CACNA2D1: variants seen among roughly 807,000 people sequenced by gnomAD.
CACNA2D1 encodes the protein calcium voltage-gated channel auxiliary subunit alpha2delta 1.
Under a neutral mutation model 171.5 loss-of-function variants are expected in CACNA2D1, and 53 were observed. The observed-to-expected ratio is 0.31, with a 90% CI of 0.25 to 0.39. The LOEUF is 0.39. Among genes scored for constraint, CACNA2D1 ranks in the 10% least tolerant of loss-of-function variants. The pLI is 1.00. For missense variants in CACNA2D1, 903 were observed against 1,299.8 expected, an observed-to-expected ratio of 0.69 and a Z score of 4.69; for synonymous variants, 442 against 443.1, an observed-to-expected ratio of 1.00 and a Z score of 0.03.
intron 3 of CACNA2D1, among the ~76,000 whole-genome samples, chr7:82,225,614 TTACAC>T (rs1802276318): frequency 6.6e-6 from 1 of 152,186 alleles, no homozygotes; most frequent in African/African-American, 2.4e-5. Flanking sequence ...TTTATATATT[TTACAC>T]ATATAAGTTT....
intron 6 of CACNA2D1, among the ~76,000 whole-genome samples, chr7:82,110,884 C>G (rs1335635508): frequency 6.6e-6 from 1 of 152,118 alleles, no homozygotes; most frequent in East Asian, 1.9e-4. Context: ...CGAGAGCACT[C>G]ATTACACTAC....
intron 4 of CACNA2D1, among the ~76,000 whole-genome samples, chr7:82,142,181 C>T (rs1327516015): frequency 1.2e-4 from 19 of 152,128 alleles, no homozygotes; most frequent in Admixed American, 9.8e-4. Flanking sequence ...CACCAGATGA[C>T]AAGAACAAAT....
At chr7:82,401,907 GA>G (rs1293363376) in intron 1 of CACNA2D1, among the ~76,000 whole-genome samples, 1 of 151,780 alleles carries the variant, frequency 6.6e-6, no homozygotes, top group African/African-American at 2.4e-5. Flanking sequence ...ACATGCATAA[GA>G]AAAAAAATAA....
At chr7:82,051,465 A>T (rs1805190004) in intron 10 of CACNA2D1, among the ~76,000 whole-genome samples, 2 of 151,974 alleles carry the variant, frequency 1.3e-5, no homozygotes, top group African/African-American at 4.8e-5. Flanking sequence ...TTATATTTTG[A>T]TTATTTTTTT....
chr7:82,185,430 T>C (rs982074233), intron 3 of CACNA2D1, among the ~76,000 whole-genome samples: 34 of 134,650 alleles, frequency 2.5e-4, no homozygotes, highest in African/African-American at 9.5e-4. Context: ...ATAAGAAAAA[T>C]AAATATCAAC....
chr7:82,114,085 C>T (rs1229174229), intron 6 of CACNA2D1, among the ~76,000 whole-genome samples: 6 of 151,906 alleles, frequency 3.9e-5, no homozygotes, highest in Non-Finnish European at 8.8e-5. Context: ...TAGCTATTTA[C>T]AAATAGTTTA....
chr7:81,958,097 TAAAAAGAAAAA>T (rs1793649415), intron 38 of CACNA2D1, among the ~76,000 whole-genome samples: 1 of 149,884 alleles, frequency 6.7e-6, no homozygotes, highest in African/African-American at 2.5e-5. Context: ...TAATATATCT[TAAAAAGAAAAA>T]AAAAACGCTT....
intron 3 of CACNA2D1, among the ~76,000 whole-genome samples, chr7:82,263,686 T>G (rs1227791920): frequency 1.3e-5 from 2 of 152,256 alleles, no homozygotes; most frequent in African/African-American, 4.8e-5. Context: ...TACTTTTGTT[T>G]TGTTTCGTTT....
At chr7:82,399,546 CAAT>C (rs979955942) in intron 1 of CACNA2D1, among the ~76,000 whole-genome samples, 19 of 152,034 alleles carry the variant, frequency 1.2e-4, no homozygotes, top group African/African-American at 4.3e-4. Flanking sequence ...AATGATAAAA[CAAT>C]GATGAAACAT....
intron 3 of CACNA2D1, among the ~76,000 whole-genome samples, chr7:82,311,229 G>C (rs1451871420): frequency 6.6e-6 from 1 of 151,924 alleles, no homozygotes; most frequent in East Asian, 1.9e-4. Flanking sequence ...GTCCATAAAA[G>C]CTTTTTGCAA....
chr7:82,115,623 C>T (rs975073572), intron 6 of CACNA2D1, among the ~76,000 whole-genome samples: 6 of 151,368 alleles, frequency 4.0e-5, no homozygotes, highest in Admixed American at 3.9e-4. Context: ...AACAGTGGTA[C>T]TTTTAAAACA....
At chr7:82,427,564 T>C (rs1276806618) in intron 1 of CACNA2D1, among the ~76,000 whole-genome samples, 1 of 152,188 alleles carries the variant, frequency 6.6e-6, no homozygotes, top group Non-Finnish European at 1.5e-5. Flanking sequence ...AATCAGAGTA[T>C]ATTTGTTCAG....
chr7:82,301,131 T>C (rs1042956561), intron 3 of CACNA2D1, among the ~76,000 whole-genome samples: 1 of 152,196 alleles, frequency 6.6e-6, no homozygotes, highest in Non-Finnish European at 1.5e-5. Flanking sequence ...TTTTTCTTTT[T>C]GATGGCGGGG....
chr7:82,332,268 G>A (rs1005424667), intron 3 of CACNA2D1, among the ~76,000 whole-genome samples: 2 of 151,996 alleles, frequency 1.3e-5, no homozygotes, highest in Non-Finnish European at 2.9e-5. Flanking sequence ...CACCCTGTTG[G>A]CCAGGCTGAT....
At chr7:81,955,613 T>C (rs1029181452) in intron 38 of CACNA2D1, among the ~76,000 whole-genome samples, 3 of 151,958 alleles carry the variant, frequency 2.0e-5, no homozygotes, top group Non-Finnish European at 2.9e-5. Flanking sequence ...TGTTTTCTTT[T>C]TGGAGATCAG....
In CACNA2D1 at chr7:82,005,662, T is replaced by C. The variant is rs4642581; in HGVS notation, c.1515+103A>G. On this transcript the variant is annotated intron_variant, in intron 17 of 38. Transcript: ENST00000356860. ...GCTTTTAACCATTTAGTTCCTTTGC[T>C]AAGATAACTGCCCATAATTTTTGAG... The C allele has an allele frequency of 6.1e-3, 5,751 of 937,876 alleles. 218 individuals carry two copies. The African/African-American group carries it at 0.081, about 13-fold the overall frequency. The allele number at this position is 937,876 out of a possible 1,614,324, so 58.1% of individuals were successfully genotyped here. A position where few individuals can be genotyped will look rare whatever the true frequency, so the allele number is the denominator to read the frequency against.
At chr7:82,440,519 A>ATGTATTTGTT (rs1367321430) in intron 1 of CACNA2D1, among the ~76,000 whole-genome samples, 1 of 151,892 alleles carries the variant, frequency 6.6e-6, no homozygotes, top group African/African-American at 2.4e-5. Flanking sequence ...CAACCAATAC[A>ATGTATTTGTT]CATTATGTGG....
rs1282448223 is a variant in CACNA2D1 at position 82,443,660 on chromosome 7, G to A, written c.-201C>T. On this transcript the variant is annotated 5_prime_UTR_variant, in exon 1 of 39. Coordinates refer to ENST00000356860, the MANE Select transcript of CACNA2D1 (RefSeq NM_000722.4). ...GACGCCGAGGAAGGGGCGGTGGCGG[G>A]CGGACCCACTAGCGTGCGTCGGCTG... 1 of 1,284,208 alleles carries A rather than the reference G, an allele frequency of 7.8e-7. No individual in the cohort carries two copies. Among genetic ancestry groups the A allele is most frequent in the Non-Finnish European group, 9.8e-7 (1 of 1,023,512 alleles). The allele number at this position is 1,284,208 out of a possible 1,614,324, so 79.6% of individuals were successfully genotyped here. A position where few individuals can be genotyped will look rare whatever the true frequency, so the allele number is the denominator to read the frequency against.
intron 23 of CACNA2D1, chr7:81,982,870 T>C: frequency 3.5e-6 from 2 of 574,078 alleles, no homozygotes; most frequent in African/African-American, 1.9e-5. Context: ...GAAAATGCTA[T>C]GTCTATAATT....
Sources: allele counts gnomAD v4.1 joint callset (sites outside exome capture counted in the v4.1 genomes callset), GRCh38; gene constraint gnomAD v4.1.1; transcripts MANE v1.5; gene names NCBI Gene and HGNC (gene_info 2026-07-23, HGNC 2026-07-21).